GRID1: variants seen among roughly 807,000 people sequenced by gnomAD.
GRID1 encodes the protein glutamate ionotropic receptor delta type subunit 1.
GRID1 carries 28 observed loss-of-function variants against 98.0 expected under a neutral mutation model. The observed-to-expected ratio is 0.29, with a 90% CI of 0.21 to 0.39. The LOEUF (loss-of-function observed/expected upper bound fraction) is 0.39, where lower values mean the gene tolerates loss of function less well. Ranked by LOEUF, GRID1 falls within the 10% of genes least tolerant of loss-of-function variation. GRID1 has a pLI of 1.00. For missense variants in GRID1, 1,111 were observed against 1,340.5 expected, an observed-to-expected ratio of 0.83 and a Z score of 2.67; for synonymous variants, 553 against 538.5, an observed-to-expected ratio of 1.03 and a Z score of -0.37.
At chr10:85,771,594 C>T (rs1248131851) in intron 8 of GRID1, among the ~76,000 whole-genome samples, 6 of 152,132 alleles carry the variant, frequency 3.9e-5, no homozygotes, top group South Asian at 2.1e-4. Context: ...TGTGCAGAGA[C>T]ACAAATAGGC....
At chr10:85,955,670 C>T (rs80231112) in intron 4 of GRID1, among the ~76,000 whole-genome samples, 20 of 152,172 alleles carry the variant, frequency 1.3e-4, no homozygotes, top group African/African-American at 4.1e-4. Context: ...AGGTCTCTTT[C>T]GACAGAGCAA....
At chr10:86,065,443 G>A (rs974171358) in intron 4 of GRID1, among the ~76,000 whole-genome samples, 8 of 152,154 alleles carry the variant, frequency 5.3e-5, no homozygotes, top group African/African-American at 1.4e-4. Flanking sequence ...CCATCCTTCC[G>A]GCCTTGGCTC....
At chr10:86,185,230 C>T (rs1353678922) in intron 3 of GRID1, among the ~76,000 whole-genome samples, 1 of 151,976 alleles carries the variant, frequency 6.6e-6, no homozygotes, top group Non-Finnish European at 1.5e-5. Flanking sequence ...AAATAATTCC[C>T]ATTTTGTATG....
intron 8 of GRID1, among the ~76,000 whole-genome samples, chr10:85,836,422 G>A (rs541785423): frequency 5.3e-4 from 81 of 152,168 alleles, no homozygotes; most frequent in African/African-American, 2.0e-3. Flanking sequence ...CCCCACAAGG[G>A]CTACTGAGCC....
chr10:85,874,785 G>T (rs1240205237), intron 5 of GRID1, among the ~76,000 whole-genome samples: 2 of 151,966 alleles, frequency 1.3e-5, no homozygotes, highest in South Asian at 2.1e-4. Context: ...GTCATTTTTA[G>T]GTCCATTAAA....
chr10:86,171,792 T>C (rs1483204721), intron 3 of GRID1, among the ~76,000 whole-genome samples: 1 of 152,182 alleles, frequency 6.6e-6, no homozygotes, highest in African/African-American at 2.4e-5. Flanking sequence ...CCTAAACCAC[T>C]CACTTCCAGA....
intron 4 of GRID1, among the ~76,000 whole-genome samples, chr10:85,943,520 A>C (rs1028532629): frequency 6.6e-6 from 1 of 152,182 alleles, no homozygotes; most frequent in Non-Finnish European, 1.5e-5. Context: ...AAGATTAGAG[A>C]AAATATTTGC....
At chr10:86,307,002 A>G (rs1847767537) in intron 2 of GRID1, among the ~76,000 whole-genome samples, 1 of 152,112 alleles carries the variant, frequency 6.6e-6, no homozygotes, top group South Asian at 2.1e-4. Flanking sequence ...CATATCCATT[A>G]CCTCCAAAAA....
At chr10:85,795,618 A>G (rs954649032) in intron 8 of GRID1, among the ~76,000 whole-genome samples, 4 of 152,206 alleles carry the variant, frequency 2.6e-5, no homozygotes, top group Non-Finnish European at 5.9e-5. Flanking sequence ...TAATTTAGGG[A>G]AAACAATTAC....
intron 4 of GRID1, among the ~76,000 whole-genome samples, chr10:85,998,138 A>T (rs1052985585): frequency 1.3e-5 from 2 of 152,176 alleles, no homozygotes; most frequent in African/African-American, 4.8e-5. Context: ...AAATCCATTA[A>T]CCTACTAGAT....
Position 86,201,286 on chromosome 10 carries a change from A to G in GRID1, c.520+5078T>C, listed in dbSNP as rs772114047. ...TCTCAAAAACCTAATGCTGAGTGAA[A>G]ATTAAAAAACAATCTCAGAAGCATG... is the stretch of plus-strand genomic sequence containing the variant. On this transcript the variant is annotated intron_variant, in intron 3 of 15. Transcript: ENST00000327946. Among the ~76,000 whole-genome samples the G allele has an allele frequency of 2.0e-4, 30 of 152,354 alleles. No individual in the cohort carries two copies. The South Asian group carries it at 3.5e-3, about 18-fold the overall frequency.
At chr10:85,932,764 T>C (rs1461639595) in intron 4 of GRID1, among the ~76,000 whole-genome samples, 1 of 152,196 alleles carries the variant, frequency 6.6e-6, no homozygotes, top group Non-Finnish European at 1.5e-5. Flanking sequence ...GCTTCTGTTG[T>C]TGATGACTAA....
chr10:86,148,167 C>T (rs1479555065), intron 3 of GRID1, among the ~76,000 whole-genome samples: 1 of 152,248 alleles, frequency 6.6e-6, no homozygotes, highest in East Asian at 1.9e-4. Flanking sequence ...TGTATTAAAA[C>T]TCCCATACTC....
chr10:86,083,336 T>C (rs1844004258), intron 4 of GRID1, among the ~76,000 whole-genome samples: 1 of 152,136 alleles, frequency 6.6e-6, no homozygotes, highest in South Asian at 2.1e-4. Flanking sequence ...CTCCATGCCA[T>C]CGTTTCCATC....
chr10:86,210,534 T>C (rs1196446728), intron 2 of GRID1, among the ~76,000 whole-genome samples: 1 of 152,188 alleles, frequency 6.6e-6, no homozygotes, highest in Non-Finnish European at 1.5e-5. Context: ...GGACATCCCA[T>C]CTCTCCACCA....
intron 4 of GRID1, among the ~76,000 whole-genome samples, chr10:85,931,035 T>C (rs1303415318): frequency 6.6e-6 from 1 of 152,148 alleles, no homozygotes; most frequent in Admixed American, 6.5e-5. Context: ...AGACTGGGTT[T>C]TGCCATGTTG....
In GRID1 at chr10:86,261,192, T is replaced by C. The variant is rs116374430; in HGVS notation, c.236-54544A>G. On this transcript the variant is annotated intron_variant, in intron 2 of 15. Coordinates refer to ENST00000327946, the MANE Select transcript of GRID1 (RefSeq NM_017551.3). ...TTTTATGGATGAGGAAACTGAGGCT[T>C]ACACAAGTTATGTGACTTGCAAAAT... Among the ~76,000 whole-genome samples the C allele has an allele frequency of 2.0e-3, 298 of 152,318 alleles. 1 individual carries two copies. The highest frequency in any genetic ancestry group is 6.7e-3 in the African/African-American group (277 of 41,576).
chr10:86,085,471 C>T (rs1019892264), intron 4 of GRID1, among the ~76,000 whole-genome samples: 7 of 152,186 alleles, frequency 4.6e-5, no homozygotes, highest in South Asian at 2.1e-4. Flanking sequence ...CTGGTTGGGC[C>T]GGCTGAGACA....
At chr10:86,278,117 G>A (rs116989498) in intron 2 of GRID1, among the ~76,000 whole-genome samples, 2,140 of 152,100 alleles carry the variant, frequency 0.014, 32 homozygotes, top group Middle Eastern at 0.041. Flanking sequence ...CAAAGACAGG[G>A]GCTGGAGTAA....
Sources: allele counts gnomAD v4.1 joint callset (sites outside exome capture counted in the v4.1 genomes callset), GRCh38; gene constraint gnomAD v4.1.1; transcripts MANE v1.5; gene names NCBI Gene and HGNC (gene_info 2026-07-23, HGNC 2026-07-21).